The following HEXB variants were observed in gnomAD, a reference collection of about 807,000 sequenced individuals.
HEXB encodes the protein beta-hexosaminidase subunit beta.
In HEXB, 51 loss-of-function variants were observed where a neutral mutation model predicts 71.2. The ratio of observed to expected loss-of-function variants is 0.72; its 90% CI spans 0.57 to 0.90. The LOEUF is 0.90. Among genes scored for constraint, HEXB ranks in the 40% least tolerant of loss-of-function variants. HEXB has a pLI of 0.00. For missense variants in HEXB, 617 were observed against 677.0 expected (o/e 0.91, Z 0.98); for synonymous variants, 266 against 249.3 (o/e 1.07, Z -0.63).
At chr5:74,702,570 ATTG>A (rs1749289637) in intron 5 of HEXB, among the ~76,000 whole-genome samples, 2 of 152,266 alleles carry the variant, frequency 1.3e-5, no homozygotes, top group African/African-American at 4.8e-5. Context: ...CATTTCTGGT[ATTG>A]TTCACTTATA....
At chr5:74,716,872 T>G in intron 9 of HEXB, 199 bp downstream of exon 9, 1 of 457,204 alleles carries the variant, frequency 2.2e-6, no homozygotes. Context: ...TGTTGAAATA[T>G]AGGAAGGCAG....
intron 6 of HEXB, among the ~76,000 whole-genome samples, chr5:74,706,685 C>T (rs538597845): frequency 3.9e-5 from 6 of 152,280 alleles, no homozygotes; most frequent in Admixed American, 1.3e-4. Context: ...CACGGAGTCT[C>T]GCTGATTGCT....
At chr5:74,684,982 C>A (rs1023154028), upstream of HEXB, among the ~76,000 whole-genome samples, 2 of 152,136 alleles carry the variant, frequency 1.3e-5, no homozygotes, top group Non-Finnish European at 2.9e-5. Flanking sequence ...CGGCCAGCAC[C>A]GGGCATTTTT....
rs1275234177 is a variant in HEXB, at chr5:74,652,932, T to C, written c.-377+12374T>C. On this transcript the variant is annotated intron_variant, in intron 1 of 13. Transcript: ENST00000511181. The surrounding 1 kb of genome is among the most constrained non-coding windows in gnomAD (Gnocchi z 5.4). ...CCCTTTATATACCAGTCATTTTTAA[T>C]GCCCTCTTTGCTTTACTGAAATGGA... Among the ~76,000 whole-genome samples the C allele has an allele frequency of 6.6e-6, 1 of 152,218 alleles. No homozygotes were observed. The highest frequency in any genetic ancestry group is 2.4e-5 in the African/African-American group (1 of 41,462).
At chr5:74,666,021 C>T (rs1748425882) in intron 1 of HEXB, among the ~76,000 whole-genome samples, 1 of 152,158 alleles carries the variant, frequency 6.6e-6, no homozygotes, top group African/African-American at 2.4e-5. Flanking sequence ...ATGCATTATA[C>T]AGAGTTGTAC....
intron 5 of HEXB, among the ~76,000 whole-genome samples, chr5:74,698,432 G>C (rs550816873): frequency 7.0e-6 from 1 of 142,950 alleles, no homozygotes; most frequent in African/African-American, 2.6e-5. Context: ...TTGCTCTGTC[G>C]CCAGGCTGGA....
chr5:74,689,603 A>AT, intron 2 of HEXB, 130 bp downstream of exon 2: 1 of 814,226 alleles, frequency 1.2e-6, no homozygotes, highest in Non-Finnish European at 2.2e-6. Context: ...TATTTTAAAA[A>AT]TAACCTTTAA....
intron 1 of HEXB, among the ~76,000 whole-genome samples, chr5:74,662,045 A>G (rs1748336564): frequency 6.6e-6 from 1 of 152,264 alleles, no homozygotes; most frequent in Non-Finnish European, 1.5e-5. Flanking sequence ...AAGAACAAAC[A>G]TTCATTTAAA....
intron 3 of HEXB, among the ~76,000 whole-genome samples, chr5:74,694,443 A>G (rs1749066297): frequency 1.3e-5 from 2 of 152,210 alleles, no homozygotes; most frequent in African/African-American, 2.4e-5. Context: ...TCAAAAGGCA[A>G]ATATGCTATA....
rs539383848 is a variant in HEXB, at chr5:74,641,455, G to T, written c.-377+897G>T. On this transcript the variant is annotated intron_variant, in intron 1 of 13. Transcript: ENST00000511181. The surrounding 1 kb of genome is among the most constrained non-coding windows in gnomAD (Gnocchi z 4.1). ...AAGCCAGGCGACTGCAGGGGCAGCC[G>T]GGGCGCAGTCCTGCGGGGCGCGCAC... 6 of 152,414 alleles carry T rather than the reference G, an allele frequency of 3.9e-5. No individual in the cohort carries two copies. The East Asian group carries it at 9.7e-4, about 25-fold the overall frequency. 9.4% of individuals were successfully genotyped at this position (152,414 alleles called of 1,614,324 possible).
At chr5:74,712,461 T>G (rs11746717) in intron 6 of HEXB, among the ~76,000 whole-genome samples, 1 of 151,828 alleles carries the variant, frequency 6.6e-6, no homozygotes, top group African/African-American at 2.4e-5. Flanking sequence ...CTTTAAATTT[T>G]AAAAAAAAAT....
intron 1 of HEXB, among the ~76,000 whole-genome samples, chr5:74,671,291 AC>A (rs1748534392): frequency 6.6e-5 from 10 of 152,178 alleles, no homozygotes; most frequent in Admixed American, 4.6e-4. Context: ...AGGTCCATCA[AC>A]TAGTAAATGG....
upstream of HEXB, chr5:74,685,125 G>T (rs1321771915): frequency 1.6e-5 from 15 of 915,842 alleles, 1 homozygote; most frequent in Non-Finnish European, 2.1e-5. Context: ...CCTGGAGGCG[G>T]AGTCGGGGGC....
chr5:74,658,353 A>T (rs1748257238), intron 1 of HEXB, among the ~76,000 whole-genome samples: 1 of 152,226 alleles, frequency 6.6e-6, no homozygotes, highest in Non-Finnish European at 1.5e-5. Context: ...AGCATTCTGC[A>T]TGGTAAAGAA....
chr5:74,670,480 A>G (rs1178794772), intron 1 of HEXB, among the ~76,000 whole-genome samples: 1 of 152,020 alleles, frequency 6.6e-6, no homozygotes, highest in African/African-American at 2.4e-5. Context: ...CCCAAGACCC[A>G]CCAAATGCGA....
chr5:74,681,308 G>C (rs141296804), upstream of HEXB, among the ~76,000 whole-genome samples: 138 of 152,272 alleles, frequency 9.1e-4, no homozygotes, highest in Non-Finnish European at 1.6e-3. Context: ...TGGTGCTACT[G>C]ACGACCAGTG....
At chr5:74,718,611 T>C (rs2112180169) in intron 10 of HEXB, among the ~76,000 whole-genome samples, 186 bp from the exon 11 acceptor site, 1 of 152,342 alleles carries the variant, frequency 6.6e-6, no homozygotes, top group Non-Finnish European at 1.5e-5. Context: ...CTAAGGTTGA[T>C]GAAACTTTTA....
chr5:74,706,447 G>A lies in HEXB; in HGVS notation c.771+1127G>A, dbSNP rs144417502. On this transcript the variant is annotated intron_variant, in intron 6 of 13. Coordinates refer to ENST00000261416, the MANE Select transcript of HEXB (RefSeq NM_000521.4). ...TAGGGAGTGCCAGACAGTGGGCGCA[G>A]GACAGTGGGTGCAGCGCATCATGCG... is the stretch of plus-strand genomic sequence containing the variant. 1.0e-2 allele frequency among the ~76,000 whole-genome samples: 1,518 copies of A among 152,326 alleles called. 28 individuals carry two copies. Among genetic ancestry groups the A allele is most frequent in the African/African-American group, 0.034 (1,429 of 41,566 alleles).
chr5:74,700,881 T>A (rs1749244560), intron 5 of HEXB, among the ~76,000 whole-genome samples: 1 of 152,058 alleles, frequency 6.6e-6, no homozygotes, highest in Admixed American at 6.5e-5. Flanking sequence ...CTAATTTTTA[T>A]ATTTTTAGTA....
Sources: gnomAD v4.1 joint callset for allele counts (sites outside exome capture counted in the v4.1 genomes callset) on GRCh38, gnomAD v4.1.1 for gene constraint, Gnocchi (gnomAD v3.1) non-coding constraint, MANE v1.5 for transcripts, NCBI Gene and HGNC (gene_info 2026-07-23, HGNC 2026-07-21) for gene names.